DYM: variants seen among roughly 807,000 people sequenced by gnomAD.
DYM encodes dyggve-Melchior-Clausen syndrome protein.
A neutral mutation model predicts 93.1 loss-of-function variants in DYM; 78 were observed. The ratio of observed to expected loss-of-function variants is 0.84; its 90% confidence interval spans 0.70 to 1.01. DYM has a LOEUF of 1.01. Among genes scored for constraint, DYM ranks in the 50% least tolerant of loss-of-function variants. DYM has a pLI of 0.00. For missense variants in DYM, 789 were observed against 845.0 expected (o/e 0.93, Z 0.82); for synonymous variants, 321 against 319.7 (o/e 1.00, Z -0.04).
rs749381960 is a variant in DYM at position 49,080,150 on chromosome 18, CG to C, written c.2025+17251del. Among the ~76,000 whole-genome samples the C allele has an allele frequency of 3.9e-4, 4 of 10,132 alleles. 2 individuals carry two copies. Among genetic ancestry groups the C allele is most frequent in the Non-Finnish European group, 7.5e-4 (4 of 5,312 alleles). The allele number at this position is 10,132 out of a possible 152,430, so 6.6% of individuals were successfully genotyped here. A position where few individuals can be genotyped will look rare whatever the true frequency, so the allele number is the denominator to read the frequency against. The stretch of plus-strand genomic sequence containing the variant: ...CTCCCTCCCGGACGGGGCGGCTGGC[CG>C]GGGGGGGGCTGACCCCCCCACCTCC... On this transcript the variant is annotated intron_variant, in intron 17 of 17. Coordinates refer to ENST00000675505, the MANE Select transcript of DYM (RefSeq NM_001353214.3).
chr18:49,297,772 C>G (rs1461609067), intron 8 of DYM, among the ~76,000 whole-genome samples: 1 of 151,358 alleles, frequency 6.6e-6, no homozygotes, highest in Non-Finnish European at 1.5e-5. Context: ...ATAGAATAGC[C>G]TTAGAACAAC....
At chr18:49,378,769 G>T in intron 4 of DYM, 69 bp from the exon 5 acceptor site, 3 of 1,543,612 alleles carry the variant, frequency 1.9e-6, no homozygotes, top group Non-Finnish European at 2.7e-6. Context: ...TCTAGTTCAT[G>T]ATTTCTTCCT....
rs561878462 is a variant in DYM, at chr18:49,234,961, G to C, written c.1460+22049C>G. ...AGCTAAGCAGCCCTCAGGAAGGCAAGGGGGAACTCAGTTCTACAATCACAA... is the reference window on the plus strand; with the variant it reads ...AGCTAAGCAGCCCTCAGGAAGGCAACGGGGAACTCAGTTCTACAATCACAA... On this transcript the variant is annotated intron_variant, in intron 13 of 17. Coordinates refer to ENST00000675505, the MANE Select transcript of DYM (RefSeq NM_001353214.3). 7.4e-4 allele frequency among the ~76,000 whole-genome samples: 113 copies of C among 152,266 alleles called. 2 individuals are homozygous for C. Among genetic ancestry groups the C allele is most frequent in the African/African-American group, 2.7e-3 (112 of 41,542 alleles).
chr18:49,247,562 TGGAA>T (rs1373725975), intron 13 of DYM, among the ~76,000 whole-genome samples: 1 of 152,200 alleles, frequency 6.6e-6, no homozygotes, highest in Non-Finnish European at 1.5e-5. Context: ...TAAAGCTCTA[TGGAA>T]GTTATTTTAA....
rs376814125 is a variant in DYM at position 49,440,181 on chromosome 18, G to A, written c.-53-9734C>T. ...CCTTAAATGGAAAGTAAACATTAGT[G>A]GATCTGAAAATCCATGATAACCAAA... On this transcript the variant is annotated intron_variant, in intron 1 of 17. Transcript: ENST00000675505. Among the ~76,000 whole-genome samples, 69 of 143,536 alleles carry A rather than the reference G, an allele frequency of 4.8e-4. 7 individuals are homozygous for A. The South Asian group carries it at 0.015, about 31-fold the overall frequency. The allele number at this position is 143,536 out of a possible 152,430, so 94.2% of individuals were successfully genotyped here.
intron 3 of DYM, among the ~76,000 whole-genome samples, chr18:49,380,638 A>G (rs541594576): frequency 4.6e-5 from 7 of 152,346 alleles, no homozygotes; most frequent in African/African-American, 1.7e-4. Flanking sequence ...TAATCAAGAA[A>G]TTGGACTTAA....
intron 8 of DYM, among the ~76,000 whole-genome samples, chr18:49,310,450 C>CG (rs1265193815): frequency 6.6e-6 from 1 of 150,624 alleles, no homozygotes; most frequent in Non-Finnish European, 1.5e-5. Context: ...AAGATGCCCC[C>CG]GCATGTGTAA....
chr18:49,077,034 T>G (rs1026496573), intron 17 of DYM, among the ~76,000 whole-genome samples: 2 of 152,196 alleles, frequency 1.3e-5, no homozygotes, highest in South Asian at 2.1e-4. Flanking sequence ...TTTGGCAATG[T>G]TTTTCTGGTC....
chr18:49,037,847 C>A lies in DYM; in HGVS notation c.*6208G>T, dbSNP rs530865604. ...GTTTGTTGAGACTTTTTTTCTGAGA[C>A]AGGGTCTTGCTCTGTCACCCAAGCT... On this transcript the variant is annotated 3_prime_UTR_variant, in exon 18 of 18. Transcript: ENST00000675505. Among the ~76,000 whole-genome samples the A allele has an allele frequency of 2.0e-5, 3 of 152,234 alleles. No homozygotes were observed. The South Asian group carries it at 6.2e-4, about 32-fold the overall frequency.
intron 8 of DYM, among the ~76,000 whole-genome samples, chr18:49,310,449 C>G (rs1017944928): frequency 6.6e-6 from 1 of 150,748 alleles, no homozygotes; most frequent in African/African-American, 2.4e-5. Flanking sequence ...AAAGATGCCC[C>G]CGCATGTGTA....
At chr18:49,422,862 A>T (rs1435310916) in intron 2 of DYM, among the ~76,000 whole-genome samples, 1 of 152,222 alleles carries the variant, frequency 6.6e-6, no homozygotes, top group East Asian at 1.9e-4. Context: ...CTAAATATAT[A>T]TGCACCCAAT....
chr18:49,038,980 T>C lies in DYM; in HGVS notation c.*5075A>G, dbSNP rs1324038484. ...CATAAGACATAATTATTGTTTTATG[T>C]AGTCAATATTTATGTGTCATTTTCA... On this transcript the variant is annotated 3_prime_UTR_variant, in exon 18 of 18. Transcript: ENST00000675505. Among the ~76,000 whole-genome samples the C allele has an allele frequency of 6.6e-6, 1 of 152,236 alleles. No homozygotes were observed. Among genetic ancestry groups the C allele is most frequent in the Non-Finnish European group, 1.5e-5 (1 of 68,040 alleles).
chr18:49,206,213 T>C (rs8092381), intron 14 of DYM, among the ~76,000 whole-genome samples: 36,711 of 151,840 alleles, frequency 0.24, 4,813 homozygotes, highest in East Asian at 0.38. Flanking sequence ...TTAGCCAGGA[T>C]GGTCTCGATC....
chr18:49,308,290 GTATATA>G (rs3061689), intron 8 of DYM, among the ~76,000 whole-genome samples: 7 of 145,298 alleles, frequency 4.8e-5, no homozygotes, highest in Non-Finnish European at 9.1e-5. Context: ...ACTTGTGTGT[GTATATA>G]TATATATATA....
intron 6 of DYM, among the ~76,000 whole-genome samples, chr18:49,346,276 G>A (rs2064587230): frequency 6.6e-6 from 1 of 152,086 alleles, no homozygotes. Flanking sequence ...TACAGACAAT[G>A]GGATACTTTT....
At chr18:49,305,978 TTAAGA>T (rs1237792704) in intron 8 of DYM, among the ~76,000 whole-genome samples, 1 of 152,246 alleles carries the variant, frequency 6.6e-6, no homozygotes, top group Non-Finnish European at 1.5e-5. Context: ...AGTTGTACAA[TTAAGA>T]TGTGTACTTC....
chr18:49,177,533 C>T (rs957000401), intron 14 of DYM, among the ~76,000 whole-genome samples: 4 of 152,100 alleles, frequency 2.6e-5, no homozygotes, highest in Admixed American at 2.6e-4. Context: ...GCCATAGGAA[C>T]AGGAAGCCTT....
chr18:49,080,457 C>T (rs373353835), intron 17 of DYM, among the ~76,000 whole-genome samples: 49 of 123,500 alleles, frequency 4.0e-4, no homozygotes, highest in East Asian at 2.4e-3. Flanking sequence ...CCAGTAGGGG[C>T]GGCTGGGCAG....
At chr18:49,217,042 T>TA (rs2093093086) in intron 13 of DYM, among the ~76,000 whole-genome samples, 1 of 151,918 alleles carries the variant, frequency 6.6e-6, no homozygotes, top group African/African-American at 2.4e-5. Context: ...GAATAATCAA[T>TA]AGAGAGAAGT....
Sources: allele counts gnomAD v4.1 joint callset (sites outside exome capture counted in the v4.1 genomes callset), GRCh38; gene constraint gnomAD v4.1.1; transcripts MANE v1.5; gene names NCBI Gene and HGNC (gene_info 2026-07-23, HGNC 2026-07-21).